Variants in SLC16A9 observed in about 807,000 individuals in gnomAD.
SLC16A9 encodes the protein solute carrier family 16 member 9.
SLC16A9 carries 26 observed loss-of-function variants against 44.3 expected under a neutral mutation model. The observed-to-expected ratio is 0.59, with a 90% confidence interval of 0.43 to 0.81. SLC16A9 has a LOEUF of 0.81. Ranked by LOEUF, SLC16A9 falls within the 40% of genes least tolerant of loss-of-function variation. The pLI is 0.00. For missense variants in SLC16A9, 559 were observed against 595.8 expected (o/e 0.94, Z 0.64); for synonymous variants, 230 against 225.1 (o/e 1.02, Z -0.19).
At chr10:59,670,181 G>A (rs973199242) in intron 3 of SLC16A9, among the ~76,000 whole-genome samples, 3 of 152,156 alleles carry the variant, frequency 2.0e-5, no homozygotes, top group African/African-American at 7.2e-5. Flanking sequence ...GGAATTTAAG[G>A]AGAAAGGAAC....
intron 1 of SLC16A9, among the ~76,000 whole-genome samples, chr10:59,691,472 C>T (rs1341584244): frequency 1.3e-5 from 2 of 152,058 alleles, no homozygotes; most frequent in African/African-American, 4.8e-5. Flanking sequence ...TTAACTTTAA[C>T]TTAAAAAAAT....
rs527434884 is a variant in SLC16A9 at position 59,664,373 on chromosome 10, C to A, written c.341-51G>T. The A allele has an allele frequency of 2.7e-5, 35 of 1,316,366 alleles. No individual in the cohort carries two copies. The African/African-American group carries it at 4.5e-4, about 17-fold the overall frequency. The allele number at this position is 1,316,366 out of a possible 1,614,324, so 81.5% of individuals were successfully genotyped here. A position where few individuals can be genotyped will look rare whatever the true frequency, so the allele number is the denominator to read the frequency against. ...ATTAAGACGCTGCATTACTTCAATG[C>A]AAGAGAAAAAAGGAAAAACAAGTAT... is the stretch of plus-strand genomic sequence containing the variant. On this transcript the variant is annotated intron_variant, in intron 3 of 5. Transcript: ENST00000395348.
At chr10:59,701,620 T>A (rs780337549) in intron 1 of SLC16A9, among the ~76,000 whole-genome samples, 2 of 152,236 alleles carry the variant, frequency 1.3e-5, no homozygotes, top group African/African-American at 2.4e-5. Flanking sequence ...AACCATGTTG[T>A]GTTCATATGA....
chr10:59,671,385 T>A (rs1839746410), intron 3 of SLC16A9, among the ~76,000 whole-genome samples: 1 of 152,228 alleles, frequency 6.6e-6, no homozygotes, highest in Non-Finnish European at 1.5e-5. Flanking sequence ...AACTATGCCA[T>A]CTATTTAAGT....
chr10:59,686,215 TA>T (rs956717832), intron 1 of SLC16A9, among the ~76,000 whole-genome samples: 1 of 152,230 alleles, frequency 6.6e-6, no homozygotes, highest in African/African-American at 2.4e-5. Flanking sequence ...GAATCTTTTT[TA>T]TAAAAGTCCT....
At chr10:59,697,147 G>C (rs1330240471) in intron 1 of SLC16A9, among the ~76,000 whole-genome samples, 1 of 134,116 alleles carries the variant, frequency 7.5e-6, no homozygotes, top group East Asian at 2.4e-4. Flanking sequence ...CACCCCGTCC[G>C]GGAGGTGAGG....
intron 3 of SLC16A9, among the ~76,000 whole-genome samples, chr10:59,671,791 C>T (rs190891677): frequency 2.3e-4 from 35 of 152,284 alleles, no homozygotes; most frequent in African/African-American, 7.9e-4. Flanking sequence ...AAGTATCAAA[C>T]GAAGTCTCCT....
At chr10:59,664,189 T>A in intron 4 of SLC16A9, 38 bp downstream of exon 4, 1 of 1,438,070 alleles carries the variant, frequency 7.0e-7, no homozygotes, top group Non-Finnish European at 9.7e-7. Context: ...TTTAGAAGAC[T>A]GAATGGTGAC....
intron 4 of SLC16A9, among the ~76,000 whole-genome samples, chr10:59,658,082 C>A (rs186522572): frequency 2.0e-4 from 31 of 152,090 alleles, no homozygotes; most frequent in African/African-American, 5.8e-4. Flanking sequence ...ATAATGGGAA[C>A]CTTGGTCTCC....
chr10:59,656,119 T>C (rs76010547), intron 4 of SLC16A9, among the ~76,000 whole-genome samples: 4,783 of 152,250 alleles, frequency 0.031, 259 homozygotes, highest in African/African-American at 0.11. Flanking sequence ...GCTAAGAGAG[T>C]ATCTCTTTGC....
intron 1 of SLC16A9, among the ~76,000 whole-genome samples, chr10:59,706,630 T>TACACACACACAAACACAC (rs1840641702): frequency 6.9e-6 from 1 of 145,928 alleles, no homozygotes. Flanking sequence ...AGAAATGTGA[T>TACACACACACAAACACAC]ACACACACAC....
chr10:59,699,041 T>C (rs1158240706), intron 1 of SLC16A9, among the ~76,000 whole-genome samples: 1 of 152,188 alleles, frequency 6.6e-6, no homozygotes, highest in East Asian at 1.9e-4. Context: ...TCTTAAGCAC[T>C]GCACAGTCGA....
intron 4 of SLC16A9, among the ~76,000 whole-genome samples, chr10:59,663,623 C>T (rs12413265): frequency 0.077 from 11,657 of 150,996 alleles, 634 homozygotes; most frequent in African/African-American, 0.14. Flanking sequence ...TGGGGGGCTA[C>T]GGGAGGGATA....
At chr10:59,683,644 T>C (rs1339600749) in intron 2 of SLC16A9, among the ~76,000 whole-genome samples, 1 of 152,196 alleles carries the variant, frequency 6.6e-6, no homozygotes, top group Non-Finnish European at 1.5e-5. Context: ...TCACAAGCCA[T>C]GTAGAAGCTG....
intron 1 of SLC16A9, among the ~76,000 whole-genome samples, chr10:59,695,630 A>C (rs981554695): frequency 2.0e-5 from 3 of 152,156 alleles, no homozygotes; most frequent in Non-Finnish European, 4.4e-5. Context: ...CTAACCTAGT[A>C]ACAGGTTTGT....
intron 1 of SLC16A9, among the ~76,000 whole-genome samples, chr10:59,698,951 C>T (rs1053786403): frequency 2.6e-5 from 4 of 152,066 alleles, no homozygotes; most frequent in Admixed American, 2.6e-4. Context: ...ACCATGTTAG[C>T]CAGGCTTGTC....
At chr10:59,680,907 C>T (rs1342406516) in intron 2 of SLC16A9, among the ~76,000 whole-genome samples, 1 of 151,830 alleles carries the variant, frequency 6.6e-6, no homozygotes, top group Non-Finnish European at 1.5e-5. Flanking sequence ...CACTTGAACC[C>T]GGGAGGTCGA....
intron 3 of SLC16A9, among the ~76,000 whole-genome samples, chr10:59,664,541 TA>T (rs779718750): frequency 3.9e-5 from 6 of 152,064 alleles, no homozygotes; most frequent in Admixed American, 1.3e-4. Context: ...CAGGGTCAAG[TA>T]AAAAAGTATC....
chr10:59,709,328 G>A (rs1290190603), intron 1 of SLC16A9, among the ~76,000 whole-genome samples, 151 bp downstream of exon 1: 1 of 152,098 alleles, frequency 6.6e-6, no homozygotes, highest in Non-Finnish European at 1.5e-5. Flanking sequence ...CGAAGCCCCC[G>A]GCACACACCC....
Sources: gnomAD v4.1 joint callset for allele counts (sites outside exome capture counted in the v4.1 genomes callset) on GRCh38, gnomAD v4.1.1 for gene constraint, MANE v1.5 for transcripts, NCBI Gene and HGNC (gene_info 2026-07-23, HGNC 2026-07-21) for gene names.